The following HGS variants were observed in gnomAD, a reference collection of about 807,000 sequenced individuals.
HGS encodes hepatocyte growth factor-regulated tyrosine kinase substrate, also known as human growth factor-regulated tyrosine kinase substrate.
HGS carries 63 observed loss-of-function variants against 109.7 expected under a neutral mutation model. The observed-to-expected ratio is 0.57, with a 90% CI of 0.47 to 0.71. HGS has a LOEUF of 0.71. HGS is among the 30% of genes least tolerant of loss of function. The probability of loss-of-function intolerance (pLI) is 0.00; values close to 1 mark genes in which losing one functional copy is unlikely to be tolerated. For missense variants in HGS, 995 were observed against 1,068.3 expected, an observed-to-expected ratio of 0.93 and a Z score of 0.96; for synonymous variants, 546 against 437.3, an observed-to-expected ratio of 1.25 and a Z score of -3.10.
chr17:81,695,426 C>T (rs1023176090), intron 14 of HGS, among the ~76,000 whole-genome samples: 5 of 152,230 alleles, frequency 3.3e-5, no homozygotes, highest in African/African-American at 9.6e-5. Flanking sequence ...GTCCAGAGCT[C>T]GGGCCACTCT....
Position 81,693,493 on chromosome 17 carries a change from G to A in HGS, c.663-10G>A. 6 of 1,609,636 alleles carry A rather than the reference G, an allele frequency of 3.7e-6. No homozygotes were observed. The highest frequency in any genetic ancestry group is 5.1e-6 in the Non-Finnish European group (6 of 1,176,876). On this transcript the variant is annotated splice_polypyrimidine_tract_variant and intron_variant, in intron 8 of 21. Transcript: ENST00000329138. ...CGCATGGTGACCTGCAGCATTCCTT[G>A]TGCCCACAGGAAAGCGGAGGGAAAG...
At position 81,686,341 on chromosome 17, in the gene HGS, A is replaced by G; in HGVS notation, c.152A>G (p.Lys51Arg). ...QAKYAVNSIK[K>R]KVNDKNPHVA... ...AAATATGCTGTGAATTCCATCAAGA[A>G]GAAAGTCAACGACAAGAACCCACAC... Residue 51 changes from lysine to arginine, a missense_variant, in exon 3 of 22, where the codon AAG (lysine) becomes AGG (arginine). By Grantham distance (26) the Lys-to-Arg change is conservative (BLOSUM62 2). Coordinates refer to ENST00000329138, the MANE Select transcript of HGS (RefSeq NM_004712.5). 1.2e-6 allele frequency: 2 copies of G among 1,613,756 alleles called. No individual in the cohort carries two copies. The highest frequency in any genetic ancestry group is 2.2e-5 in the South Asian group (2 of 91,080).
rs781040147 is a variant in HGS, at chr17:81,696,822, A to G, written c.1708-2A>G. The G allele has an allele frequency of 6.2e-7, 1 of 1,606,446 alleles. No homozygotes were observed. The highest frequency in any genetic ancestry group is 8.5e-7 in the Non-Finnish European group (1 of 1,175,802). On this transcript the variant is annotated splice_acceptor_variant, in intron 17 of 21. Coordinates refer to ENST00000329138, the MANE Select transcript of HGS (RefSeq NM_004712.5). LOFTEE classifies it high-confidence loss of function. ...TCTCACCGCTGTCTCTTTTGTCCCCAGCTCCAGGCCATGCCCGCAGCCGGA... is the reference window on the plus strand; with the variant it reads ...TCTCACCGCTGTCTCTTTTGTCCCCGGCTCCAGGCCATGCCCGCAGCCGGA...
intron 14 of HGS, 164 bp from the exon 15 acceptor site, chr17:81,695,622 C>T: frequency 1.5e-6 from 1 of 666,928 alleles, no homozygotes. Context: ...AGGACCCCGC[C>T]TCCAGGGCCT....
rs898116188 is a variant in HGS, at chr17:81,701,747, G to A, written c.*129G>A. 7.4e-7 allele frequency: 1 copy of A among 1,348,198 alleles called. No homozygotes were observed. Among genetic ancestry groups the A allele is most frequent in the Admixed American group, 2.6e-5 (1 of 38,170 alleles). 83.5% of individuals were successfully genotyped at this position (1,348,198 alleles called of 1,614,324 possible). A position where few individuals can be genotyped will look rare whatever the true frequency, so the allele number is the denominator to read the frequency against. On this transcript the variant is annotated 3_prime_UTR_variant, in exon 22 of 22. Transcript: ENST00000329138. Reference sequence around the variant, plus strand: ...TGTCCCTTCTCTGCGAGTGAGGGGGGGCCTTCACCCCAAGCCCACCTCCCT... The same window carrying A: ...TGTCCCTTCTCTGCGAGTGAGGGGGAGCCTTCACCCCAAGCCCACCTCCCT...
chr17:81,689,176 G>A (rs1363108538), intron 5 of HGS, among the ~76,000 whole-genome samples: 1 of 152,232 alleles, frequency 6.6e-6, no homozygotes. Flanking sequence ...TGTCGAGACT[G>A]GAACAGAAGC....
chr17:81,694,119 G>A (rs747583041), intron 11 of HGS, among the ~76,000 whole-genome samples, 154 bp downstream of exon 11: 7 of 152,194 alleles, frequency 4.6e-5, no homozygotes, highest in Non-Finnish European at 5.9e-5. Flanking sequence ...GGACATCAGG[G>A]CAGAGCCCCA....
intron 18 of HGS, 192 bp downstream of exon 18, chr17:81,697,190 G>A (rs997557101): frequency 7.8e-6 from 5 of 637,616 alleles, no homozygotes; most frequent in South Asian, 2.3e-5. Context: ...GTTTCAGTCC[G>A]TGCGTGGCAG....
At chr17:81,684,379 A>G (rs1310247855) in intron 1 of HGS, 2 of 337,784 alleles carry the variant, frequency 5.9e-6, no homozygotes, top group African/African-American at 4.3e-5. Flanking sequence ...GGGCCCGGGC[A>G]TTCGGCCGAT....
At chr17:81,701,207 G>A in intron 21 of HGS, 76 bp downstream of exon 21, 2 of 1,299,316 alleles carry the variant, frequency 1.5e-6, no homozygotes, top group Non-Finnish European at 2.2e-6. Flanking sequence ...TGGGACCCCT[G>A]GCCCCAGTGG....
Position 81,696,845 on chromosome 17 carries a change from G to A in HGS, c.1729G>A (p.Gly577Arg), listed in dbSNP as rs772612532. Residue 577 changes from glycine to arginine, a missense_variant, in exon 18 of 22, where the codon GGA (glycine) becomes AGA (arginine). By Grantham distance (125) the Gly-to-Arg change is moderately radical. Transcript: ENST00000329138. ...CCAGCTCCAGGCCATGCCCGCAGCC[G>A]GAGGTGTGCTCTACCAGCCCTCGGG... ...YAQLQAMPAA[G>R]GVLYQPSGPA... is the part of the protein sequence containing the mutation. The A allele has an allele frequency of 9.3e-6, 15 of 1,610,734 alleles. 1 individual carries two copies. The highest frequency in any genetic ancestry group is 4.4e-5 in the South Asian group (4 of 90,976).
chr17:81,689,321 C>T (rs1392008138), intron 5 of HGS, among the ~76,000 whole-genome samples: 1 of 152,216 alleles, frequency 6.6e-6, no homozygotes, highest in African/African-American at 2.4e-5. Context: ...GGCTGTTGGG[C>T]TGGAGTTCAG....
chr17:81,688,612 C>T (rs2037018377), intron 4 of HGS, 92 bp from the exon 5 acceptor site: 2 of 1,516,240 alleles, frequency 1.3e-6, no homozygotes, highest in Non-Finnish European at 1.8e-6. Context: ...CCCATCTGCT[C>T]AGAGGCTGAG....
chr17:81,697,614 C>T (rs1013065094), intron 18 of HGS: 2 of 72,470 alleles, frequency 2.8e-5, no homozygotes, highest in Non-Finnish European at 4.5e-5. Flanking sequence ...CTGTTTTGCC[C>T]TTTACAGATG....
chr17:81,693,661 C>A lies in HGS; in HGVS notation c.749C>A (p.Pro250His), dbSNP rs936427630. ...SPLSQQSQLP[P>H]KRDETALQEE... ...CTCCCCGCTTGTCCTCAGCTGCCCCCCAAGAGGGACGAGACGGCCCTGCAG... is the reference window on the plus strand; with the variant it reads ...CTCCCCGCTTGTCCTCAGCTGCCCCACAAGAGGGACGAGACGGCCCTGCAG... Residue 250 changes from proline to histidine, a missense_variant, in exon 10 of 22, where the codon CCC (proline) becomes CAC (histidine). By Grantham distance (77) the Pro-to-His change is moderately conservative. This residue lies in a region of HGS where 300 missense variants were observed against 235.4 expected (regional missense o/e 1.27). Coordinates refer to ENST00000329138, the MANE Select transcript of HGS (RefSeq NM_004712.5). The A allele has an allele frequency of 1.3e-6, 2 of 1,553,984 alleles. No individual in the cohort carries two copies. Among genetic ancestry groups the A allele is most frequent in the Non-Finnish European group, 1.7e-6 (2 of 1,147,858 alleles).
Position 81,701,662 on chromosome 17 carries a change from C to A in HGS, c.*44C>A, listed in dbSNP as rs1303488114. The A allele has an allele frequency of 2.0e-6, 3 of 1,514,324 alleles. No individual in the cohort carries two copies. The highest frequency in any genetic ancestry group is 2.7e-6 in the Non-Finnish European group (3 of 1,128,912). 93.8% of individuals were successfully genotyped at this position (1,514,324 alleles called of 1,614,324 possible). On this transcript the variant is annotated 3_prime_UTR_variant, in exon 22 of 22. Transcript: ENST00000329138. ...CCGGAGTAACACTACATACAGTTCA[C>A]CTGAAACGCCTCGTCTCTAACTGCC...
chr17:81,684,203 C>A, intron 1 of HGS, 100 bp downstream of exon 1: 1 of 1,052,816 alleles, frequency 9.5e-7, no homozygotes, highest in Non-Finnish European at 1.3e-6. Context: ...CGCGGACCGG[C>A]CGCCCTGCCC....
At chr17:81,687,526 G>A (rs980317814) in intron 4 of HGS, among the ~76,000 whole-genome samples, 1 of 152,224 alleles carries the variant, frequency 6.6e-6, no homozygotes, top group African/African-American at 2.4e-5. Flanking sequence ...AGGGCTCTGA[G>A]CGGGGGCTTG....
chr17:81,701,144 C>A lies in HGS; in HGVS notation c.2223+13C>A. 1 of 1,610,748 alleles carries A rather than the reference C, an allele frequency of 6.2e-7. No individual in the cohort carries two copies. On this transcript the variant is annotated intron_variant, in intron 21 of 21. Coordinates refer to ENST00000329138, the MANE Select transcript of HGS (RefSeq NM_004712.5). The stretch of plus-strand genomic sequence containing the variant: ...CATGTACCAGCAGGTGAGCCATTCC[C>A]GGGGCCTCACAGCGGCACCCGCAGG...
Sources: allele counts gnomAD v4.1 joint callset (sites outside exome capture counted in the v4.1 genomes callset), GRCh38; gene constraint gnomAD v4.1.1; regional missense constraint gnomAD v4.1.1; transcripts MANE v1.5; gene names NCBI Gene and HGNC (gene_info 2026-07-23, HGNC 2026-07-21).